The following XKR9 variants were observed in gnomAD, a reference collection of about 807,000 sequenced individuals.
XKR9 encodes the protein XK related 9.
A neutral mutation model predicts 32.0 loss-of-function variants in XKR9; 32 were observed. The observed-to-expected ratio is 1.00, with a 90% CI of 0.76 to 1.34. The LOEUF is 1.34. XKR9 is among the 40% of genes most tolerant of loss of function. XKR9 has a pLI of 0.00. For synonymous variants in XKR9, 168 were observed against 143.4 expected (o/e 1.17, Z -1.22); for missense variants, 546 against 429.7 (o/e 1.27, Z -2.39).
chr8:70,765,624 T>C (rs1807364912), intron 2 of XKR9, among the ~76,000 whole-genome samples: 2 of 152,204 alleles, frequency 1.3e-5, no homozygotes, highest in Non-Finnish European at 2.9e-5. Context: ...ATCCCATTTT[T>C]CAATTTTGGC....
intron 2 of XKR9, among the ~76,000 whole-genome samples, chr8:70,748,510 T>G (rs1586881420): frequency 6.6e-6 from 1 of 152,208 alleles, no homozygotes; most frequent in Non-Finnish European, 1.5e-5. Context: ...CCTGCAACCT[T>G]GGCTCCCTCT....
At chr8:70,775,331 T>C (rs1316959892) in intron 2 of XKR9, among the ~76,000 whole-genome samples, 1 of 152,178 alleles carries the variant, frequency 6.6e-6, no homozygotes, top group Non-Finnish European at 1.5e-5. Context: ...GCATGGTTTC[T>C]TGAGTACAAC....
chr8:70,673,261 G>C (rs1449185045), intron 1 of XKR9, among the ~76,000 whole-genome samples: 2 of 152,118 alleles, frequency 1.3e-5, no homozygotes, highest in Admixed American at 6.5e-5. Flanking sequence ...AGCTTCATTA[G>C]CTTTTTTTAA....
At chr8:70,768,396 G>C (rs1178390911) in intron 2 of XKR9, among the ~76,000 whole-genome samples, 1 of 152,206 alleles carries the variant, frequency 6.6e-6, no homozygotes, top group East Asian at 1.9e-4. Context: ...TATATATTCT[G>C]TTGATTTGGG....
intron 4 of XKR9, among the ~76,000 whole-genome samples, chr8:70,720,179 T>C (rs113011798): frequency 4.6e-5 from 7 of 152,330 alleles, no homozygotes; most frequent in African/African-American, 1.7e-4. Flanking sequence ...AAGTTGCTTA[T>C]CAGCTTAACG....
At chr8:70,916,271 TTAAG>T in the XKR9 span, among the ~76,000 whole-genome samples, 1 of 152,222 alleles carries the variant, frequency 6.6e-6, no homozygotes, top group African/African-American at 2.4e-5. Context: ...CATGTTAAAA[TTAAG>T]TTTGTGTGCC....
chr8:71,048,915 A>T, the XKR9 span, among the ~76,000 whole-genome samples: 1 of 152,190 alleles, frequency 6.6e-6, no homozygotes, highest in Non-Finnish European at 1.5e-5. Flanking sequence ...TGGGAGAATG[A>T]CTATTAATTC....
the XKR9 span, among the ~76,000 whole-genome samples, chr8:70,991,627 G>A: frequency 1.3e-5 from 2 of 152,154 alleles, no homozygotes; most frequent in East Asian, 1.9e-4. Context: ...CAGTCCTGAA[G>A]CTCCAAGAAA....
At chr8:70,677,589 A>C (rs1278914629) in intron 2 of XKR9, among the ~76,000 whole-genome samples, 1 of 152,192 alleles carries the variant, frequency 6.6e-6, no homozygotes, top group African/African-American at 2.4e-5. Flanking sequence ...GCTGTGCCTA[A>C]GTGTTATACT....
chr8:70,909,117 A>T, the XKR9 span, among the ~76,000 whole-genome samples: 44 of 152,116 alleles, frequency 2.9e-4, no homozygotes, highest in Non-Finnish European at 5.7e-4. Context: ...TTTTCAGTCC[A>T]GATTCTCACT....
the XKR9 span, among the ~76,000 whole-genome samples, chr8:70,829,025 T>C: frequency 6.6e-6 from 1 of 152,188 alleles, no homozygotes; most frequent in South Asian, 2.1e-4. Context: ...CCCTTGAGAG[T>C]CATGGTAACA....
At chr8:70,844,015 C>T in the XKR9 span, among the ~76,000 whole-genome samples, 1 of 152,170 alleles carries the variant, frequency 6.6e-6, no homozygotes, top group Admixed American at 6.5e-5. Flanking sequence ...TCAGGCTTCC[C>T]AGCACTCTAG....
chr8:70,753,383 GAA>G (rs1413377838), intron 2 of XKR9, among the ~76,000 whole-genome samples: 1 of 151,784 alleles, frequency 6.6e-6, no homozygotes, highest in Non-Finnish European at 1.5e-5. Flanking sequence ...CCACTCAATA[GAA>G]AAAGAGGGAA....
the XKR9 span, among the ~76,000 whole-genome samples, chr8:70,853,450 C>A: frequency 4.0e-5 from 6 of 151,414 alleles, no homozygotes; most frequent in Non-Finnish European, 7.4e-5. Context: ...CTCATAAAAG[C>A]TAAAACTAAA....
the XKR9 span, among the ~76,000 whole-genome samples, chr8:70,972,418 G>T: frequency 6.6e-6 from 1 of 151,880 alleles, no homozygotes; most frequent in Admixed American, 6.6e-5. Flanking sequence ...AGACAATGAT[G>T]GTTTGACTTC....
the XKR9 span, among the ~76,000 whole-genome samples, chr8:71,002,003 C>CAT: frequency 8.6e-3 from 1,304 of 151,924 alleles, 14 homozygotes; most frequent in African/African-American, 0.029. Context: ...CCACTTTTAT[C>CAT]ATATATATAT....
intron 4 of XKR9, among the ~76,000 whole-genome samples, chr8:70,716,067 A>T (rs1806077076): frequency 6.6e-6 from 1 of 152,106 alleles, no homozygotes; most frequent in African/African-American, 2.4e-5. Flanking sequence ...TGGAAGCAAG[A>T]CTTAAGAGCA....
the XKR9 span, among the ~76,000 whole-genome samples, chr8:70,959,487 GGTTA>G: frequency 6.6e-6 from 1 of 151,986 alleles, no homozygotes; most frequent in East Asian, 1.9e-4. Flanking sequence ...TTTTACTTTT[GGTTA>G]GTTTGTTTGT....
chr8:70,916,856 T>C, the XKR9 span, among the ~76,000 whole-genome samples: 2 of 151,524 alleles, frequency 1.3e-5, no homozygotes, highest in African/African-American at 4.8e-5. Context: ...TTTATATCTT[T>C]CTGTGAAAAA....
Sources: gnomAD v4.1 joint callset for allele counts (sites outside exome capture counted in the v4.1 genomes callset) on GRCh38, gnomAD v4.1.1 for gene constraint, MANE v1.5 for transcripts, NCBI Gene and HGNC (gene_info 2026-07-23, HGNC 2026-07-21) for gene names.